The following PERM1 variants were observed in gnomAD, a reference collection of about 807,000 sequenced individuals.
PERM1 encodes the protein PGC-1 and ERR-induced regulator in muscle protein 1.
Under a neutral mutation model 44.1 loss-of-function variants are expected in PERM1, and 45 were observed. The observed-to-expected ratio is 1.02, with a 90% CI of 0.80 to 1.31. The LOEUF (loss-of-function observed/expected upper bound fraction) is 1.31. Among genes scored for constraint, PERM1 ranks in the 50% most tolerant of loss-of-function variants. The pLI, the probability that PERM1 is intolerant of heterozygous loss-of-function variation, is 0.00. For synonymous variants in PERM1, 565 were observed against 477.1 expected (o/e 1.18, Z -2.40); for missense variants, 1,189 against 1,106.9 (o/e 1.07, Z -1.05).
At chr1:978,793 C>T in intron 1 of PERM1, 88 bp downstream of exon 2, 1 of 1,280,788 alleles carries the variant, frequency 7.8e-7, no homozygotes, top group Non-Finnish European at 1.0e-6. Context: ...CCCGGCCTGC[C>T]CGGCCCCTGC....
At chr1:980,719 C>T in exon 1 of PERM1, 2 of 1,418,810 alleles carry the variant, frequency 1.4e-6, no homozygotes, top group Non-Finnish European at 1.8e-6. Context: ...TGCGGACGTG[C>T]TGGGTGTCTG....
chr1:976,202 G>A, exon 3 of PERM1: 2 of 1,544,340 alleles, frequency 1.3e-6, no homozygotes, highest in East Asian at 2.4e-5. Context: ...TGTGGCTGCG[G>A]CGCCCTTGCC....
exon 3 of PERM1, chr1:975,874 C>T: frequency 2.5e-6 from 1 of 399,470 alleles, no homozygotes; most frequent in Non-Finnish European, 4.5e-6. Flanking sequence ...TATTGCCTGT[C>T]TGAAATTAAC....
exon 3 of PERM1, chr1:975,721 C>A (rs3748588): frequency 4.6e-4 from 75 of 162,174 alleles, no homozygotes; most frequent in African/African-American, 1.7e-3. Context: ...GAGCTCCAGC[C>A]GGAGTGTCTT....
chr1:979,549 C>T (rs1643728233), exon 1 of PERM1: 1 of 1,549,970 alleles, frequency 6.5e-7, no homozygotes, highest in Non-Finnish European at 8.7e-7. Flanking sequence ...TTGGGTGAGA[C>T]CCAGTGCGGG....
At chr1:980,316 A>G (rs1362134428) in exon 1 of PERM1, 8 of 1,550,174 alleles carry the variant, frequency 5.2e-6, no homozygotes, top group Non-Finnish European at 7.0e-6. Context: ...ACCTGGGGCC[A>G]GGCTCAGGAG....
rs1015947195 is a variant in PERM1 at position 980,695 on chromosome 1, G to A, written c.335C>T (p.Pro112Leu). The A allele has an allele frequency of 2.1e-6, 3 of 1,424,684 alleles. No homozygotes were observed. In the Admixed American group the frequency reaches 9.2e-5, roughly 44 times the overall value. 88.3% of individuals were successfully genotyped at this position (1,424,684 alleles called of 1,614,324 possible). Reference sequence around the variant, plus strand: ...GCTGGCGCCGGGGCCGAGGGACGGTGGAGCTTCTGCCCGTGCGGACGTGCT... The same window carrying A: ...GCTGGCGCCGGGGCCGAGGGACGGTAGAGCTTCTGCCCGTGCGGACGTGCT... The change falls in exon 1 of 3, where the codon CCA (proline) becomes CTA (leucine). Residue 112 changes from proline (P) to leucine (L), a missense_variant. Around this residue, in one of 3 missense-constraint regions of PERM1, gnomAD observed 274 missense variants for 317.9 expected, o/e 0.86. Coordinates refer to ENST00000433179, the Ensembl canonical transcript of PERM1.
exon 1 of PERM1, chr1:980,269 C>T (rs1349270543): frequency 6.4e-7 from 1 of 1,550,408 alleles, no homozygotes; most frequent in East Asian, 2.4e-5. Flanking sequence ...TGTAGACAGG[C>T]CCAAACCTGG....
chr1:978,483 T>A (rs1643687423), intron 1 of PERM1, among the ~76,000 whole-genome samples: 1 of 152,150 alleles, frequency 6.6e-6, no homozygotes, highest in African/African-American at 2.4e-5. Context: ...TTGGGCCAGT[T>A]TGGGGGAACT....
At chr1:976,757 G>C (rs1385394472) in intron 1 of PERM1, 133 bp from the exon 3 acceptor site, 1 of 353,900 alleles carries the variant, frequency 2.8e-6, no homozygotes. Context: ...CCAACCCCGG[G>C]AACCGCCTCC....
At chr1:976,540 A>C (rs1263255625) in exon 2 of PERM1, 1 of 1,549,432 alleles carries the variant, frequency 6.5e-7, no homozygotes, top group African/African-American at 1.4e-5. Context: ...TGACGTCCTC[A>C]CAGCCCAGGT....
In PERM1 at chr1:980,811, GC is replaced by G. The variant is rs1374686439; in HGVS notation, c.218del (p.Gly73AlafsTer147). 8 of 1,399,250 alleles carry G rather than the reference GC, an allele frequency of 5.7e-6. No homozygotes were observed. Among genetic ancestry groups the G allele is most frequent in the Non-Finnish European group, 5.5e-6 (6 of 1,085,708 alleles). 86.7% of individuals were successfully genotyped at this position (1,399,250 alleles called of 1,614,324 possible). On this transcript the variant is annotated frameshift_variant, in exon 1 of 3. Coordinates refer to ENST00000433179, the Ensembl canonical transcript of PERM1. LOFTEE classifies it high-confidence loss of function. ...GTGTGGCCACGTCCTCCTCCTCGCA[GC>G]CCCGCCGGCTCCGCCCTCCTGCAGC... is the stretch of plus-strand genomic sequence containing the variant.
exon 1 of PERM1, chr1:978,976 A>G: frequency 6.6e-7 from 1 of 1,517,962 alleles, no homozygotes; most frequent in Non-Finnish European, 8.9e-7. Flanking sequence ...GGGAGGCTCC[A>G]GGGCCTGCAG....
At chr1:980,410 G>A (rs774626940) in exon 1 of PERM1, 18 of 1,549,624 alleles carry the variant, frequency 1.2e-5, no homozygotes, top group Middle Eastern at 1.7e-4. Context: ...AGGGAGCAGC[G>A]GGGAGCCCGT....
At chr1:976,414 CG>C in intron 2 of PERM1, 84 bp downstream of exon 3, 3 of 1,540,324 alleles carry the variant, frequency 1.9e-6, no homozygotes, top group Non-Finnish European at 1.8e-6. Flanking sequence ...GGGTGAGCCC[CG>C]GGGCCCCCGT....
At chr1:979,471 TGTC>T (rs1303869164) in exon 1 of PERM1, 1 of 1,547,488 alleles carries the variant, frequency 6.5e-7, no homozygotes, top group South Asian at 1.2e-5. Flanking sequence ...GGCTGAGGCC[TGTC>T]CTGAGCCTGG....
exon 1 of PERM1, chr1:980,655 G>C (rs1643771803): frequency 7.0e-7 from 1 of 1,435,950 alleles, no homozygotes; most frequent in Non-Finnish European, 9.1e-7. Flanking sequence ...GGCAGGATGA[G>C]AACTGGCTGG....
exon 1 of PERM1, chr1:979,059 A>G: frequency 6.5e-7 from 1 of 1,547,050 alleles, no homozygotes; most frequent in Non-Finnish European, 8.7e-7. Flanking sequence ...CATAGACCTC[A>G]GGGATGGAGA....
In PERM1 at chr1:976,401, C is replaced by T; in HGVS notation, c.2275+98G>A. On this transcript the variant is annotated intron_variant, in intron 2 of 2. Coordinates refer to ENST00000433179, the Ensembl canonical transcript of PERM1. ...GCAGCTCAGCCTGGGGGGAGCAGGT[C>T]AGGGGTGAGCCCCGGGGCCCCCGTG... 6 of 1,530,806 alleles carry T rather than the reference C, an allele frequency of 3.9e-6. 1 individual carries two copies. Among genetic ancestry groups the T allele is most frequent in the Non-Finnish European group, 5.3e-6 (6 of 1,135,580 alleles). The allele number at this position is 1,530,806 out of a possible 1,614,324, so 94.8% of individuals were successfully genotyped here.
Sources: allele counts gnomAD v4.1 joint callset (sites outside exome capture counted in the v4.1 genomes callset), GRCh38; gene constraint gnomAD v4.1.1; regional missense constraint gnomAD v4.1.1; transcripts MANE v1.5; gene names NCBI Gene and HGNC (gene_info 2026-07-23, HGNC 2026-07-21).